Variants in LRMDA observed in about 807,000 individuals in gnomAD.
The protein encoded by LRMDA is leucine rich melanocyte differentiation associated, also known as leucine-rich melanocyte differentiation-associated protein.
A neutral mutation model predicts 29.8 loss-of-function variants in LRMDA; 18 were observed. The ratio of observed to expected loss-of-function variants is 0.60; its 90% confidence interval spans 0.42 to 0.90. The LOEUF is 0.90. Ranked by LOEUF, LRMDA falls within the 40% of genes least tolerant of loss-of-function variation. LRMDA has a pLI of 0.00. For synonymous variants in LRMDA, 125 were observed against 109.4 expected (o/e 1.14, Z -0.89); for missense variants, 273 against 273.9 (o/e 1.00, Z 0.02).
At chr10:75,880,966 C>T (rs2132343389) in intron 2 of LRMDA, among the ~76,000 whole-genome samples, 1 of 152,316 alleles carries the variant, frequency 6.6e-6, no homozygotes, top group East Asian at 1.9e-4. Flanking sequence ...TCTGCCTACT[C>T]TCCTGTTTGG....
intron 5 of LRMDA, among the ~76,000 whole-genome samples, chr10:76,073,530 A>T (rs1393735794): frequency 6.6e-6 from 1 of 152,198 alleles, no homozygotes; most frequent in Non-Finnish European, 1.5e-5. Context: ...TATGTATAAA[A>T]TACTGCTAGT....
chr10:76,450,937 C>T (rs372423870), intron 6 of LRMDA, among the ~76,000 whole-genome samples: 2 of 152,272 alleles, frequency 1.3e-5, no homozygotes, highest in South Asian at 4.1e-4. Context: ...AATATATCCT[C>T]CTCATCTGAG....
chr10:75,770,915 G>A (rs12266139), intron 2 of LRMDA, among the ~76,000 whole-genome samples: 5,535 of 152,270 alleles, frequency 0.036, 255 homozygotes, highest in African/African-American at 0.11. Flanking sequence ...GAGTAATGGG[G>A]TGAAGTTAAG....
At chr10:75,785,666 C>A (rs1843459929) in intron 2 of LRMDA, among the ~76,000 whole-genome samples, 1 of 152,122 alleles carries the variant, frequency 6.6e-6, no homozygotes, top group Non-Finnish European at 1.5e-5. Context: ...ATATTCTGCT[C>A]AAGATTAATT....
intron 2 of LRMDA, among the ~76,000 whole-genome samples, chr10:75,681,666 A>T (rs1842024531): frequency 6.6e-6 from 1 of 152,216 alleles, no homozygotes; most frequent in African/African-American, 2.4e-5. Flanking sequence ...GCCTCTGCGC[A>T]CATTACACAG....
rs569750149 is a variant in LRMDA, at chr10:75,818,747, C to T, written c.132-217261C>T. 7.9e-5 allele frequency among the ~76,000 whole-genome samples: 12 copies of T among 152,342 alleles called. No homozygotes were observed. The South Asian group carries it at 1.0e-3, about 13-fold the overall frequency. ...ATAGAGGATAACTGCTGGTTTTCTT[C>T]TGTGGTTCCACCTCCCCACCCCTGG... On this transcript the variant is annotated intron_variant, in intron 2 of 6. Coordinates refer to ENST00000611255, the MANE Select transcript of LRMDA (RefSeq NM_001305581.2).
chr10:75,740,500 A>C (rs1842815952), intron 2 of LRMDA, among the ~76,000 whole-genome samples: 1 of 152,132 alleles, frequency 6.6e-6, no homozygotes, highest in Non-Finnish European at 1.5e-5. Context: ...TGCTTTACCC[A>C]GGGCCCCTCT....
At chr10:75,772,871 G>GC (rs1554824993) in intron 2 of LRMDA, among the ~76,000 whole-genome samples, 8 of 50,822 alleles carry the variant, frequency 1.6e-4, no homozygotes, top group Non-Finnish European at 4.4e-4. Flanking sequence ...GGGTGGGATG[G>GC]GGGGGGGCAG....
At chr10:76,058,939 T>A (rs1018468506) in intron 5 of LRMDA, 156 bp downstream of exon 5, 1 of 653,680 alleles carries the variant, frequency 1.5e-6, no homozygotes. Flanking sequence ...AAACATGAAA[T>A]AGGGTTAGGT....
chr10:75,487,931 T>A lies in LRMDA; in HGVS notation c.131+49437T>A, dbSNP rs182061630. ...TGAGCTACTTCTGCTATTTTTGAAA[T>A]TCTGGTTTGAACTGCAGGATTGTGC... On this transcript the variant is annotated intron_variant, in intron 2 of 6. Coordinates refer to ENST00000611255, the MANE Select transcript of LRMDA (RefSeq NM_001305581.2). 1.3e-5 allele frequency among the ~76,000 whole-genome samples: 2 copies of A among 152,204 alleles called. 1 individual carries two copies.
At chr10:76,138,805 CT>C (rs1451452872) in intron 5 of LRMDA, among the ~76,000 whole-genome samples, 1 of 152,036 alleles carries the variant, frequency 6.6e-6, no homozygotes, top group Non-Finnish European at 1.5e-5. Context: ...ATGCTTGTGG[CT>C]TTTATATGGT....
intron 2 of LRMDA, among the ~76,000 whole-genome samples, chr10:75,582,309 C>A (rs930323284): frequency 1.2e-4 from 18 of 152,364 alleles, no homozygotes; most frequent in African/African-American, 4.3e-4. Context: ...GACATCCAGG[C>A]TTTTGCATAT....
chr10:76,376,514 A>C (rs1393024692), intron 6 of LRMDA, among the ~76,000 whole-genome samples: 2 of 152,216 alleles, frequency 1.3e-5, no homozygotes, highest in Non-Finnish European at 2.9e-5. Flanking sequence ...TATTGTGAAT[A>C]GTACTGTGAT....
intron 2 of LRMDA, among the ~76,000 whole-genome samples, chr10:75,490,830 G>A (rs574134184): frequency 6.6e-6 from 1 of 152,320 alleles, no homozygotes; most frequent in Non-Finnish European, 1.5e-5. Context: ...CGCCTCTGCT[G>A]ATGTGGCTAA....
chr10:75,658,092 C>G (rs1369402945), intron 2 of LRMDA, among the ~76,000 whole-genome samples: 2 of 151,800 alleles, frequency 1.3e-5, no homozygotes, highest in Admixed American at 1.3e-4. Flanking sequence ...TGACTTGGAG[C>G]ACATAAAAAT....
intron 2 of LRMDA, among the ~76,000 whole-genome samples, chr10:75,692,311 A>G (rs1340516676): frequency 1.4e-5 from 2 of 147,160 alleles, no homozygotes; most frequent in African/African-American, 2.5e-5. Flanking sequence ...ATATATACAT[A>G]CATATATACA....
chr10:76,334,660 A>G (rs964813425), intron 6 of LRMDA, among the ~76,000 whole-genome samples: 6 of 152,138 alleles, frequency 3.9e-5, no homozygotes, highest in African/African-American at 1.2e-4. Flanking sequence ...TACTTTTCCA[A>G]TAACCTTGGA....
chr10:76,043,886 C>T (rs1266832422), intron 3 of LRMDA, among the ~76,000 whole-genome samples: 1 of 152,204 alleles, frequency 6.6e-6, no homozygotes, highest in Admixed American at 6.5e-5. Flanking sequence ...GAAAAAAGAG[C>T]CAAGCTTTGA....
chr10:76,183,670 C>G (rs988334589), intron 5 of LRMDA, among the ~76,000 whole-genome samples: 2 of 152,216 alleles, frequency 1.3e-5, no homozygotes, highest in African/African-American at 4.8e-5. Flanking sequence ...AAATATGCTA[C>G]ACTTGTGAAA....
Sources: allele counts gnomAD v4.1 joint callset (sites outside exome capture counted in the v4.1 genomes callset), GRCh38; gene constraint gnomAD v4.1.1; transcripts MANE v1.5; gene names NCBI Gene and HGNC (gene_info 2026-07-23, HGNC 2026-07-21).